GULP1: variants seen among roughly 807,000 people sequenced by gnomAD.
The protein encoded by GULP1 is PTB domain-containing engulfment adapter protein 1.
A neutral mutation model predicts 40.9 loss-of-function variants in GULP1; 19 were observed. The observed-to-expected ratio is 0.46, with a 90% CI of 0.32 to 0.68. The LOEUF is 0.68. Among genes scored for constraint, GULP1 ranks in the 30% least tolerant of loss-of-function variants. The pLI, the probability that GULP1 is intolerant of heterozygous loss-of-function variation, is 0.03. For missense variants in GULP1, 312 were observed against 362.2 expected (o/e 0.86, Z 1.12); for synonymous variants, 119 against 117.6 (o/e 1.01, Z -0.08).
intron 1 of GULP1, among the ~76,000 whole-genome samples, chr2:188,379,906 G>C (rs910826406): frequency 1.3e-5 from 2 of 152,140 alleles, no homozygotes; most frequent in African/African-American, 4.8e-5. Flanking sequence ...CAGCTTCTGT[G>C]AACTGAAGGT....
intron 2 of GULP1, among the ~76,000 whole-genome samples, chr2:188,418,924 T>G (rs2054968924): frequency 6.6e-6 from 1 of 152,210 alleles, no homozygotes; most frequent in South Asian, 2.1e-4. Flanking sequence ...TCTCTTTGAT[T>G]CTGTAAATTT....
chr2:188,546,667 T>C (rs1692046663), intron 7 of GULP1, among the ~76,000 whole-genome samples: 1 of 151,806 alleles, frequency 6.6e-6, no homozygotes, highest in Non-Finnish European at 1.5e-5. Flanking sequence ...ACAACAAAAA[T>C]ATCAAAATAA....
At position 188,317,660 on chromosome 2, in the gene GULP1, T is replaced by C. The variant is rs538488269; in HGVS notation, c.-172+25494T>C. On this transcript the variant is annotated intron_variant, in intron 1 of 11. Transcript: ENST00000409830. ...GTTGTATTTATATGTGCCATGTTAA[T>C]GGATAGCTTTCCTTGGAAAGTTGGG... Among the ~76,000 whole-genome samples the C allele has an allele frequency of 1.4e-4, 22 of 152,192 alleles. No individual in the cohort carries two copies. In the South Asian group the frequency reaches 4.3e-3, roughly 30 times the overall value.
At position 188,394,496 on chromosome 2, in the gene GULP1, A is replaced by G. The variant is rs922221756; in HGVS notation, c.-45+10607A>G. ...TTGTATCTCCTTGAGTAGCTTAATT[A>G]TCAACATTTTGAATTTTTTATTTGG... On this transcript the variant is annotated intron_variant, in intron 2 of 11. Transcript: ENST00000409830. 3.9e-4 allele frequency among the ~76,000 whole-genome samples: 59 copies of G among 152,270 alleles called. 1 individual carries two copies. The highest frequency in any genetic ancestry group is 1.4e-3 in the African/African-American group (58 of 41,578).
chr2:188,461,173 A>G (rs2059674388), intron 2 of GULP1, among the ~76,000 whole-genome samples: 2 of 152,168 alleles, frequency 1.3e-5, no homozygotes, highest in Non-Finnish European at 2.9e-5. Flanking sequence ...CTGGCCTCAT[A>G]AAATGAATTT....
chr2:188,297,722 C>T, intron 1 of GULP1: 1 of 243,462 alleles, frequency 4.1e-6, no homozygotes, highest in Non-Finnish European at 8.6e-6. Context: ...TAATGATTTG[C>T]CTGTTTATAG....
At chr2:188,413,147 A>T (rs4667225) in intron 2 of GULP1, among the ~76,000 whole-genome samples, 26,656 of 152,074 alleles carry the variant, frequency 0.18, 2,410 homozygotes, top group East Asian at 0.25. Flanking sequence ...TATTGCTGAA[A>T]TTTTCAGAAA....
chr2:188,404,213 TAA>T (rs1559200697), intron 2 of GULP1, among the ~76,000 whole-genome samples: 1 of 152,148 alleles, frequency 6.6e-6, no homozygotes, highest in Admixed American at 6.5e-5. Flanking sequence ...TTCATAATTA[TAA>T]AGACTGGTTG....
Position 188,552,121 on chromosome 2 carries a change from T to G in GULP1, c.399+10803T>G, listed in dbSNP as rs545648603. Among the ~76,000 whole-genome samples the G allele has an allele frequency of 1.3e-4, 20 of 151,928 alleles. 1 individual carries two copies. The highest frequency in any genetic ancestry group is 4.6e-4 in the African/African-American group (19 of 41,524). On this transcript the variant is annotated intron_variant, in intron 7 of 11. Transcript: ENST00000409830. ...AATATTTTCTCCAATTCAAAAGTTG[T>G]TTCTTCATTCTGTTGATTATTTATT...
chr2:188,516,319 A>G (rs1429485219), intron 4 of GULP1, among the ~76,000 whole-genome samples: 2 of 152,200 alleles, frequency 1.3e-5, no homozygotes, highest in Middle Eastern at 3.4e-3. Context: ...ACTTTCTTCC[A>G]TTATTGCTGA....
At chr2:188,396,548 G>A (rs1015220697) in intron 2 of GULP1, among the ~76,000 whole-genome samples, 1 of 152,228 alleles carries the variant, frequency 6.6e-6, no homozygotes, top group Non-Finnish European at 1.5e-5. Context: ...GTTCCAGGTA[G>A]TTTGCATTCA....
At chr2:188,365,761 A>G (rs2046698340) in intron 1 of GULP1, among the ~76,000 whole-genome samples, 1 of 152,220 alleles carries the variant, frequency 6.6e-6, no homozygotes, top group Non-Finnish European at 1.5e-5. Flanking sequence ...GTTATGGAAC[A>G]TACAGAGATT....
chr2:188,509,183 C>T (rs1428355186), intron 4 of GULP1, among the ~76,000 whole-genome samples: 1 of 152,064 alleles, frequency 6.6e-6, no homozygotes. Flanking sequence ...AAGCTCTACT[C>T]TGGTGCAGAG....
In GULP1 at chr2:188,503,510, G is replaced by A. The variant is rs555585737; in HGVS notation, c.91-19246G>A. On this transcript the variant is annotated intron_variant, in intron 4 of 11. Coordinates refer to ENST00000409830, the MANE Select transcript of GULP1 (RefSeq NM_016315.4). ...AACAACATGGAGGAAACTGCCCCCCGTGATCCATCACCTCCCACCAGATCC... is the reference window on the plus strand; with the variant it reads ...AACAACATGGAGGAAACTGCCCCCCATGATCCATCACCTCCCACCAGATCC... 4.6e-5 allele frequency among the ~76,000 whole-genome samples: 7 copies of A among 151,898 alleles called. No homozygotes were observed. The South Asian group carries it at 1.0e-3, about 23-fold the overall frequency.
chr2:188,384,850 A>G (rs939507028), intron 2 of GULP1, among the ~76,000 whole-genome samples: 6 of 152,198 alleles, frequency 3.9e-5, no homozygotes, highest in African/African-American at 9.6e-5. Context: ...CTTTGATGCT[A>G]TGTCTCACAT....
At chr2:188,491,986 T>C (rs955339837) in intron 4 of GULP1, among the ~76,000 whole-genome samples, 1 of 152,074 alleles carries the variant, frequency 6.6e-6, no homozygotes, top group African/African-American at 2.4e-5. Context: ...TAGAACTAAG[T>C]GGTTTATTTT....
chr2:188,569,903 T>G, intron 8 of GULP1, 125 bp from the exon 9 acceptor site: 1 of 529,410 alleles, frequency 1.9e-6, no homozygotes, highest in South Asian at 2.8e-5. Flanking sequence ...ATCAAACAAT[T>G]TTCTCCCCAC....
At chr2:188,426,726 A>G (rs747958368) in intron 2 of GULP1, among the ~76,000 whole-genome samples, 4 of 152,304 alleles carry the variant, frequency 2.6e-5, no homozygotes, top group East Asian at 1.9e-4. Context: ...CTTTATAGCA[A>G]TGTGAGAACA....
intron 2 of GULP1, among the ~76,000 whole-genome samples, chr2:188,425,928 A>C (rs2152795248): frequency 6.6e-6 from 1 of 152,148 alleles, no homozygotes; most frequent in East Asian, 1.9e-4. Context: ...TGCCCTTTTT[A>C]ATTTAATTTT....
Sources: allele counts gnomAD v4.1 joint callset (sites outside exome capture counted in the v4.1 genomes callset), GRCh38; gene constraint gnomAD v4.1.1; transcripts MANE v1.5; gene names NCBI Gene and HGNC (gene_info 2026-07-23, HGNC 2026-07-21).